UBL3: variants seen among roughly 807,000 people sequenced by gnomAD.
UBL3 encodes the protein ubiquitin like 3, also known as ubiquitin-like protein 3.
Under a neutral mutation model 18.4 loss-of-function variants are expected in UBL3, and 6 were observed. That is an observed-to-expected ratio of 0.33 (90% CI 0.18 to 0.64). The LOEUF (loss-of-function observed/expected upper bound fraction) is 0.64, where lower values mean the gene tolerates loss of function less well. Among genes scored for constraint, UBL3 ranks in the 30% least tolerant of loss-of-function variants. UBL3 has a pLI of 0.76. For missense variants in UBL3, 109 were observed against 142.9 expected (o/e 0.76, Z 1.21); for synonymous variants, 49 against 46.6 (o/e 1.05, Z -0.21).
In UBL3 at chr13:29,849,578, C is replaced by A. The variant is rs1879316544; in HGVS notation, c.-40G>T. On this transcript the variant is annotated 5_prime_UTR_variant, in exon 1 of 5. Coordinates refer to ENST00000380680, the MANE Select transcript of UBL3 (RefSeq NM_007106.4). ...TACACCCAGATGTTTACGAAAAAAA[C>A]AAACAAAGAAAAAAGAGCAGAAGTC... 1.9e-6 allele frequency: 3 copies of A among 1,610,992 alleles called. No individual in the cohort carries two copies. The South Asian group carries it at 3.3e-5, about 18-fold the overall frequency.
At chr13:29,792,683 T>C (rs569470522) in intron 1 of UBL3, among the ~76,000 whole-genome samples, 1 of 152,308 alleles carries the variant, frequency 6.6e-6, no homozygotes, top group East Asian at 1.9e-4. Context: ...TACATAGATG[T>C]CTCTGGAATA....
At chr13:29,825,408 G>C (rs1878589966) in intron 1 of UBL3, among the ~76,000 whole-genome samples, 1 of 152,072 alleles carries the variant, frequency 6.6e-6, no homozygotes, top group South Asian at 2.1e-4. Context: ...TCCTTGAAGA[G>C]GTCCTTCACA....
intron 1 of UBL3, among the ~76,000 whole-genome samples, chr13:29,805,448 ATG>A (rs1877876409): frequency 6.6e-6 from 1 of 152,190 alleles, no homozygotes; most frequent in African/African-American, 2.4e-5. Context: ...AGAGTCTGAT[ATG>A]TCTGTCCTCT....
At chr13:29,782,366 C>T (rs1195909735) in intron 1 of UBL3, among the ~76,000 whole-genome samples, 1 of 152,218 alleles carries the variant, frequency 6.6e-6, no homozygotes, top group African/African-American at 2.4e-5. Context: ...TTAAAACTAA[C>T]ACACATCACA....
At chr13:29,787,209 T>C (rs920062566) in intron 1 of UBL3, among the ~76,000 whole-genome samples, 2 of 152,110 alleles carry the variant, frequency 1.3e-5, no homozygotes, top group Non-Finnish European at 2.9e-5. Flanking sequence ...AAAGAAAACT[T>C]TGGGTTCTTA....
intron 1 of UBL3, chr13:29,779,304 G>T: frequency 2.2e-6 from 1 of 456,422 alleles, no homozygotes; most frequent in Non-Finnish European, 4.3e-6. Flanking sequence ...ATTACCCTAT[G>T]AACTTATACG....
At chr13:29,796,417 C>T (rs566029983) in intron 1 of UBL3, among the ~76,000 whole-genome samples, 2 of 152,254 alleles carry the variant, frequency 1.3e-5, no homozygotes, top group South Asian at 4.1e-4. Flanking sequence ...TAAACAGATT[C>T]AATTTCTTCT....
intron 1 of UBL3, among the ~76,000 whole-genome samples, chr13:29,814,504 G>A (rs1257522386): frequency 2.0e-5 from 3 of 151,884 alleles, no homozygotes; most frequent in Non-Finnish European, 4.4e-5. Flanking sequence ...GCCAAATTTT[G>A]TACATGAGTA....
intron 1 of UBL3, among the ~76,000 whole-genome samples, chr13:29,784,629 T>C (rs1397764778): frequency 1.3e-5 from 2 of 151,664 alleles, no homozygotes; most frequent in Non-Finnish European, 2.9e-5. Flanking sequence ...TAACATACTA[T>C]ATGATCCCAC....
At chr13:29,821,289 T>G (rs1020286665) in intron 1 of UBL3, among the ~76,000 whole-genome samples, 25 of 152,240 alleles carry the variant, frequency 1.6e-4, no homozygotes, top group Admixed American at 2.0e-4. Context: ...TATATGTGTT[T>G]GATTTATTAC....
intron 1 of UBL3, among the ~76,000 whole-genome samples, chr13:29,835,357 T>G (rs1467912851): frequency 6.6e-6 from 1 of 150,482 alleles, no homozygotes; most frequent in Non-Finnish European, 1.5e-5. Flanking sequence ...AAACTACCCA[T>G]GCAGATGCAG....
chr13:29,788,882 C>T (rs1419913487), intron 1 of UBL3, among the ~76,000 whole-genome samples: 8 of 28,420 alleles, frequency 2.8e-4, no homozygotes, highest in African/African-American at 6.8e-4. Context: ...CGCGCGCGCG[C>T]GCACGCGCAC....
intron 1 of UBL3, among the ~76,000 whole-genome samples, chr13:29,812,785 TA>T (rs999228487): frequency 2.0e-5 from 3 of 152,044 alleles, no homozygotes; most frequent in African/African-American, 7.2e-5. Flanking sequence ...GCTCTAAGTA[TA>T]ATGCACCTTA....
At chr13:29,841,183 A>C (rs2139368369) in intron 1 of UBL3, among the ~76,000 whole-genome samples, 1 of 152,246 alleles carries the variant, frequency 6.6e-6, no homozygotes, top group South Asian at 2.1e-4. Flanking sequence ...TTCTTCTCAA[A>C]ATCTAGTCAG....
At chr13:29,837,840 G>C (rs1878996381) in intron 1 of UBL3, among the ~76,000 whole-genome samples, 1 of 151,604 alleles carries the variant, frequency 6.6e-6, no homozygotes, top group African/African-American at 2.4e-5. Flanking sequence ...TGAGGCACTA[G>C]AATCACTTGA....
chr13:29,787,965 T>C (rs1436842630), intron 1 of UBL3, among the ~76,000 whole-genome samples: 1 of 152,208 alleles, frequency 6.6e-6, no homozygotes, highest in East Asian at 1.9e-4. Context: ...ACAATTCTAT[T>C]TCCTCTGTCC....
intron 1 of UBL3, among the ~76,000 whole-genome samples, chr13:29,782,702 T>G (rs570639137): frequency 6.6e-6 from 1 of 152,252 alleles, no homozygotes; most frequent in South Asian, 2.1e-4. Flanking sequence ...AGGTTAAGAT[T>G]TTAAAATCTT....
intron 2 of UBL3, among the ~76,000 whole-genome samples, chr13:29,774,874 G>A (rs961922296): frequency 2.0e-5 from 3 of 152,078 alleles, no homozygotes; most frequent in East Asian, 3.9e-4. Context: ...CAGCCTTGGG[G>A]TTTTAGTACT....
rs763576857 is a variant in UBL3, at chr13:29,849,557, C to G, written c.-19G>C. On this transcript the variant is annotated 5_prime_UTR_variant, in exon 1 of 5. Coordinates refer to ENST00000380680, the MANE Select transcript of UBL3 (RefSeq NM_007106.4). ...TGGACATCTTGCCGTTTGATATACA[C>G]CCAGATGTTTACGAAAAAAACAAAC... 1.9e-6 allele frequency: 3 copies of G among 1,613,562 alleles called. No homozygotes were observed. In the African/African-American group the frequency reaches 4.0e-5, roughly 22 times the overall value.
Sources: gnomAD v4.1 joint callset for allele counts (sites outside exome capture counted in the v4.1 genomes callset) on GRCh38, gnomAD v4.1.1 for gene constraint, MANE v1.5 for transcripts, NCBI Gene and HGNC (gene_info 2026-07-23, HGNC 2026-07-21) for gene names.